DCX: variants seen among roughly 807,000 people sequenced by gnomAD.
DCX encodes doublecortin.
DCX carries 4 observed loss-of-function variants against 20.9 expected under a neutral mutation model. That is an observed-to-expected ratio of 0.19 (90% CI 0.09 to 0.44). DCX has a LOEUF of 0.44. Ranked by LOEUF, DCX falls within the 20% of genes least tolerant of loss-of-function variation. DCX has a pLI of 0.99. For synonymous variants in DCX, 103 were observed against 111.4 expected (o/e 0.92, Z 0.47); for missense variants, 133 against 296.9 (o/e 0.45, Z 4.06).
rs1210383053 is a variant in DCX, at chrX:111,357,795, AG to A, written c.706-24643del. 7.0e-3 allele frequency among the ~76,000 whole-genome samples: 753 copies of A among 106,981 alleles called. 9 individuals are homozygous for A. The highest frequency in any genetic ancestry group is 0.026 in the African/African-American group (711 of 27,042). The allele number at this position is 106,981 out of a possible 115,157, so 92.9% of individuals were successfully genotyped here. A position where few individuals can be genotyped will look rare whatever the true frequency, so the allele number is the denominator to read the frequency against. ...AGGCACGTCTCAAAAAGAGAAAAAA[AG>A]AAAAAAAAAAAGGAGCTGAAGCTCT... On this transcript the variant is annotated intron_variant, in intron 3 of 6. Coordinates refer to ENST00000636035, the MANE Select transcript of DCX (RefSeq NM_001195553.2).
chrX:111,334,099 G>A (rs746756004), intron 3 of DCX, among the ~76,000 whole-genome samples: 182 of 112,425 alleles, frequency 1.6e-3, no homozygotes, highest in Admixed American at 4.7e-3. Flanking sequence ...GCTTTCCAAA[G>A]GCATGGTGCT....
intron 3 of DCX, among the ~76,000 whole-genome samples, chrX:111,354,169 C>G (rs1923547741): frequency 9.0e-6 from 1 of 111,707 alleles, no homozygotes; most frequent in African/African-American, 3.3e-5. Context: ...TTCCCCCAAC[C>G]CTGGGTAAGA....
chrX:111,319,158 G>T (rs936825986), intron 5 of DCX, among the ~76,000 whole-genome samples: 1 of 112,020 alleles, frequency 8.9e-6, no homozygotes, highest in African/African-American at 3.2e-5. Context: ...GGTTTCTGAA[G>T]GAGAGTCACA....
At chrX:111,386,904 C>A (rs1238188692) in intron 3 of DCX, among the ~76,000 whole-genome samples, 1 of 111,255 alleles carries the variant, frequency 9.0e-6, no homozygotes, top group Non-Finnish European at 1.9e-5. Context: ...TCTGAGTCCA[C>A]CGAGCCAGAA....
chrX:111,318,370 A>G (rs954211544), intron 5 of DCX, among the ~76,000 whole-genome samples: 1 of 104,493 alleles, frequency 9.6e-6, no homozygotes, highest in East Asian at 2.9e-4. Context: ...GTATAATAAT[A>G]ATAATAATAA....
chrX:111,338,520 G>C (rs535939162), intron 3 of DCX, among the ~76,000 whole-genome samples: 1 of 110,891 alleles, frequency 9.0e-6, no homozygotes, highest in South Asian at 3.9e-4. Context: ...ACCAGCTCCA[G>C]TCAGAGGTTG....
At chrX:111,410,848 A>G in intron 1 of DCX, 1 of 1,211,436 alleles carries the variant, frequency 8.3e-7, no homozygotes. Flanking sequence ...ACAGTTGTAA[A>G]TGAATCCATA....
chrX:111,322,315 C>T (rs950875551), intron 5 of DCX, among the ~76,000 whole-genome samples: 1 of 111,309 alleles, frequency 9.0e-6, no homozygotes. Context: ...TGGACTTGCT[C>T]ACAGATTCTA....
In DCX at chrX:111,295,720, A is replaced by C. The variant is rs958947775; in HGVS notation, c.*5967T>G. On this transcript the variant is annotated 3_prime_UTR_variant, in exon 7 of 7. Coordinates refer to ENST00000636035, the MANE Select transcript of DCX (RefSeq NM_001195553.2). Reference sequence around the variant, plus strand: ...TTCTCTTCAGCTGATTATGTCTCTGAGCACGCTTCACTGCTCCACAAAATG... The same window carrying C: ...TTCTCTTCAGCTGATTATGTCTCTGCGCACGCTTCACTGCTCCACAAAATG... The C allele has an allele frequency of 1.8e-5, 2 of 112,419 alleles. No homozygotes were observed. The highest frequency in any genetic ancestry group is 3.8e-5 in the Non-Finnish European group (2 of 53,281). 9.3% of individuals were successfully genotyped at this position (112,419 alleles called of 1,213,427 possible). A position where few individuals can be genotyped will look rare whatever the true frequency, so the allele number is the denominator to read the frequency against.
intron 3 of DCX, among the ~76,000 whole-genome samples, chrX:111,339,596 T>A (rs1249000947): frequency 8.9e-6 from 1 of 111,979 alleles, no homozygotes; most frequent in Non-Finnish European, 1.9e-5. Context: ...TCAGGTAATC[T>A]GTTATAAACA....
chrX:111,390,450 C>T (rs1484869013), intron 3 of DCX, among the ~76,000 whole-genome samples: 1 of 112,011 alleles, frequency 8.9e-6, no homozygotes, highest in African/African-American at 3.2e-5. Flanking sequence ...TACTACACAG[C>T]AATAGACAAT....
At chrX:111,397,800 TAC>T (rs1441726015) in intron 3 of DCX, among the ~76,000 whole-genome samples, 2 of 40,190 alleles carry the variant, frequency 5.0e-5, no homozygotes, top group African/African-American at 7.2e-5. Context: ...TGTGTATATC[TAC>T]ATATATGTGT....
At chrX:111,343,706 G>A (rs1452856411) in intron 3 of DCX, among the ~76,000 whole-genome samples, 1 of 111,837 alleles carries the variant, frequency 8.9e-6, no homozygotes, top group Non-Finnish European at 1.9e-5. Context: ...GGCAGGCTGG[G>A]TGCGGCAGCT....
chrX:111,370,302 T>C (rs1412975732), intron 3 of DCX, among the ~76,000 whole-genome samples: 1 of 111,491 alleles, frequency 9.0e-6, no homozygotes, highest in Non-Finnish European at 1.9e-5. Flanking sequence ...GGTAGAAAGA[T>C]AAAGAGGGAA....
At chrX:111,408,634 GAA>G (rs1232990707) in intron 2 of DCX, among the ~76,000 whole-genome samples, 1 of 44,586 alleles carries the variant, frequency 2.2e-5, no homozygotes, top group African/African-American at 1.3e-4. Flanking sequence ...AAAGAAAAGA[GAA>G]AGAAAGAAAG....
intron 3 of DCX, among the ~76,000 whole-genome samples, chrX:111,361,126 A>G (rs1765165912): frequency 8.9e-6 from 1 of 112,148 alleles, no homozygotes; most frequent in Admixed American, 9.5e-5. Flanking sequence ...AAACACTGAT[A>G]TCAGTGTACA....
At chrX:111,382,500 T>C (rs1472301095) in intron 3 of DCX, among the ~76,000 whole-genome samples, 1 of 112,132 alleles carries the variant, frequency 8.9e-6, no homozygotes, top group Admixed American at 9.5e-5. Flanking sequence ...TGTTATCCTT[T>C]AGCAATTTCT....
chrX:111,389,124 G>A (rs1362535722), intron 3 of DCX, among the ~76,000 whole-genome samples: 3 of 111,450 alleles, frequency 2.7e-5, no homozygotes, highest in Non-Finnish European at 5.7e-5. Flanking sequence ...CTGGTCTACT[G>A]GAGAATTTTG....
At chrX:111,306,796 TAAAC>T (rs1310937563) in intron 6 of DCX, among the ~76,000 whole-genome samples, 2 of 111,313 alleles carry the variant, frequency 1.8e-5, no homozygotes, top group African/African-American at 3.3e-5. Flanking sequence ...ATGTTGAAAT[TAAAC>T]AACGCACAGA....
Sources: allele counts gnomAD v4.1 joint callset (sites outside exome capture counted in the v4.1 genomes callset), GRCh38; gene constraint gnomAD v4.1.1; transcripts MANE v1.5; gene names NCBI Gene and HGNC (gene_info 2026-07-23, HGNC 2026-07-21).